The following GRAMD1C variants were observed in gnomAD, a reference collection of about 807,000 sequenced individuals.
The protein encoded by GRAMD1C is protein Aster-C.
GRAMD1C carries 89 observed loss-of-function variants against 97.8 expected under a neutral mutation model. That is an observed-to-expected ratio of 0.91 (90% confidence interval 0.77 to 1.09). The LOEUF (loss-of-function observed/expected upper bound fraction) is 1.09. Ranked by LOEUF, GRAMD1C falls within the 50% of genes least tolerant of loss-of-function variation. The pLI, the probability that GRAMD1C is intolerant of heterozygous loss-of-function variation, is 0.00. For synonymous variants in GRAMD1C, 256 were observed against 267.0 expected (o/e 0.96, Z 0.40); for missense variants, 740 against 766.4 (o/e 0.97, Z 0.41).
intron 7 of GRAMD1C, among the ~76,000 whole-genome samples, chr3:113,901,531 C>T (rs1029036790): frequency 1.3e-5 from 2 of 152,114 alleles, no homozygotes; most frequent in Non-Finnish European, 2.9e-5. Flanking sequence ...TAACATAGTG[C>T]TTAGCATGTG....
At chr3:113,842,476 G>T (rs1365435025) in intron 1 of GRAMD1C, among the ~76,000 whole-genome samples, 3 of 152,066 alleles carry the variant, frequency 2.0e-5, no homozygotes, top group Admixed American at 2.0e-4. Flanking sequence ...TTTTGCTGTT[G>T]TATGTTTCCT....
At chr3:113,849,873 G>C (rs1209878479) in intron 2 of GRAMD1C, among the ~76,000 whole-genome samples, 5 of 152,014 alleles carry the variant, frequency 3.3e-5, no homozygotes. Context: ...GGGCGGCCGG[G>C]CAGAGGCGCC....
At chr3:113,883,795 G>A (rs1935351014) in intron 6 of GRAMD1C, among the ~76,000 whole-genome samples, 1 of 151,970 alleles carries the variant, frequency 6.6e-6, no homozygotes, top group African/African-American at 2.4e-5. Context: ...CTCGTACAGA[G>A]GCCCAAAATA....
Position 113,875,737 on chromosome 3 carries a change from T to C in GRAMD1C, c.363+150T>C, listed in dbSNP as rs531759786. The C allele has an allele frequency of 7.6e-5, 39 of 516,394 alleles. No individual in the cohort carries two copies. The East Asian group carries it at 1.0e-3, about 13-fold the overall frequency. 32.0% of individuals were successfully genotyped at this position (516,394 alleles called of 1,614,324 possible). A position where few individuals can be genotyped will look rare whatever the true frequency, so the allele number is the denominator to read the frequency against. On this transcript the variant is annotated intron_variant, in intron 4 of 17. Coordinates refer to ENST00000358160, the MANE Select transcript of GRAMD1C (RefSeq NM_017577.5). ...TGTGCATGTAAATACAAACGTGTTG[T>C]ATATATAAGTGTATAATATATTTTT... is the stretch of plus-strand genomic sequence containing the variant.
intron 2 of GRAMD1C, among the ~76,000 whole-genome samples, chr3:113,856,093 G>A (rs1056957935): frequency 4.6e-5 from 7 of 151,970 alleles, no homozygotes; most frequent in African/African-American, 1.7e-4. Flanking sequence ...TCAACATGTT[G>A]GCCAGGCTGG....
At chr3:113,862,682 A>AGGGTATTGACTG in intron 2 of GRAMD1C, among the ~76,000 whole-genome samples, 1 of 152,354 alleles carries the variant, frequency 6.6e-6, no homozygotes, top group East Asian at 1.9e-4. Context: ...GGAAATCACA[A>AGGGTATTGACTG]GGGTATTGAC....
At chr3:113,932,503 G>A (rs1417864410) in intron 11 of GRAMD1C, among the ~76,000 whole-genome samples, 4 of 152,032 alleles carry the variant, frequency 2.6e-5, no homozygotes, top group Non-Finnish European at 4.4e-5. Flanking sequence ...GGTGAAGGGT[G>A]GTTTCGTTGA....
At chr3:113,876,628 CA>C (rs1935047182) in intron 5 of GRAMD1C, among the ~76,000 whole-genome samples, 1 of 152,116 alleles carries the variant, frequency 6.6e-6, no homozygotes, top group Non-Finnish European at 1.5e-5. Flanking sequence ...GGACAGCATA[CA>C]CATAAACACT....
At position 113,875,398 on chromosome 3, in the gene GRAMD1C, A is replaced by G. The variant is rs1487519324; in HGVS notation, c.260-86A>G. On this transcript the variant is annotated intron_variant, in intron 3 of 17. Transcript: ENST00000358160. ...ATGAACTAATGAACAAAAAGTGATG[A>G]CTTTCCATCTGTTGAAATATAGTAT... is the stretch of plus-strand genomic sequence containing the variant. 10 of 683,588 alleles carry G rather than the reference A, an allele frequency of 1.5e-5. No individual in the cohort carries two copies. In the Admixed American group the frequency reaches 2.0e-4, roughly 14 times the overall value. 42.3% of individuals were successfully genotyped at this position (683,588 alleles called of 1,614,324 possible). A position where few individuals can be genotyped will look rare whatever the true frequency, so the allele number is the denominator to read the frequency against.
Position 113,838,921 on chromosome 3 carries a change from T to A in GRAMD1C, c.12T>A (p.Ala4=). Residue 4 remains alanine (A), a synonymous_variant, in exon 1 of 18, where the codon GCT becomes GCA. Coordinates refer to ENST00000358160, the MANE Select transcript of GRAMD1C (RefSeq NM_017577.5). MEG[A]PTVRQVMNEG... ...CGGAGGGAGCCGCGATGGAGGGCGC[T>A]CCGACTGTCCGTCAGGTAAGCCGCG... 8.4e-7 allele frequency: 1 copy of A among 1,189,456 alleles called. No homozygotes were observed. Among genetic ancestry groups the A allele is most frequent in the South Asian group, 4.5e-5 (1 of 22,458 alleles). 73.7% of individuals were successfully genotyped at this position (1,189,456 alleles called of 1,614,324 possible).
chr3:113,926,926 C>T (rs570851366), intron 10 of GRAMD1C, among the ~76,000 whole-genome samples: 4 of 152,240 alleles, frequency 2.6e-5, no homozygotes, highest in Admixed American at 2.6e-4. Context: ...CCACTGGCCA[C>T]AATACTCCAA....
chr3:113,911,329 G>A (rs889466019), intron 9 of GRAMD1C, among the ~76,000 whole-genome samples: 4 of 151,482 alleles, frequency 2.6e-5, no homozygotes, highest in Non-Finnish European at 5.9e-5. Flanking sequence ...TCTGCCTCCC[G>A]AGTTCAAGCG....
chr3:113,911,719 C>CT (rs368204763), intron 9 of GRAMD1C, among the ~76,000 whole-genome samples: 1 of 101,494 alleles, frequency 9.9e-6, no homozygotes, highest in South Asian at 3.3e-4. Context: ...TTCCTTCCTT[C>CT]CTTCCTTCCT....
intron 6 of GRAMD1C, chr3:113,897,616 G>A (rs1024599440): frequency 1.5e-5 from 15 of 983,650 alleles, no homozygotes; most frequent in Non-Finnish European, 1.8e-5. Context: ...TTGAAGCAGT[G>A]ATTATTTTTA....
At chr3:113,917,510 G>C (rs1936863170) in intron 10 of GRAMD1C, among the ~76,000 whole-genome samples, 1 of 151,308 alleles carries the variant, frequency 6.6e-6, no homozygotes, top group Non-Finnish European at 1.5e-5. Context: ...TTTTTTAGTA[G>C]AGGGGTTTGC....
intron 6 of GRAMD1C, among the ~76,000 whole-genome samples, chr3:113,895,026 G>T (rs746585336): frequency 1.3e-5 from 2 of 152,150 alleles, no homozygotes; most frequent in Admixed American, 6.5e-5. Context: ...GTCTGAAGAG[G>T]ACTTGGTCAG....
chr3:113,882,963 T>A, intron 6 of GRAMD1C, 131 bp downstream of exon 6: 1 of 500,074 alleles, frequency 2.0e-6, no homozygotes, highest in Non-Finnish European at 3.6e-6. Context: ...GAAACTTCAA[T>A]CAAAGCAAGA....
At position 113,946,157 on chromosome 3, in the gene GRAMD1C, C is replaced by G. The variant is rs541883179; in HGVS notation, c.*679C>G. On this transcript the variant is annotated 3_prime_UTR_variant, in exon 18 of 18. Transcript: ENST00000358160. Reference sequence around the variant, plus strand: ...TTATCTTGCCTCCTCACTTAGAATACCAACAGTCAAAAGGAAGAACCATCC... The same window carrying G: ...TTATCTTGCCTCCTCACTTAGAATAGCAACAGTCAAAAGGAAGAACCATCC... The G allele has an allele frequency of 3.3e-5, 5 of 152,520 alleles. No homozygotes were observed. The highest frequency in any genetic ancestry group is 6.6e-5 in the Admixed American group (1 of 15,264). The allele number at this position is 152,520 out of a possible 1,614,324, so 9.4% of individuals were successfully genotyped here.
intron 2 of GRAMD1C, among the ~76,000 whole-genome samples, chr3:113,858,441 C>G (rs922874308): frequency 2.2e-5 from 3 of 138,378 alleles, no homozygotes; most frequent in Non-Finnish European, 4.6e-5. Flanking sequence ...TGTTGCCAGG[C>G]TGGAGTGCAG....
Sources: allele counts gnomAD v4.1 joint callset (sites outside exome capture counted in the v4.1 genomes callset), GRCh38; gene constraint gnomAD v4.1.1; transcripts MANE v1.5; gene names NCBI Gene and HGNC (gene_info 2026-07-23, HGNC 2026-07-21).